Variants in ARHGAP10 observed in about 807,000 individuals in gnomAD.
ARHGAP10 encodes the protein rho GTPase-activating protein 10.
ARHGAP10 carries 87 observed loss-of-function variants against 108.6 expected under a neutral mutation model. The observed-to-expected ratio is 0.80, with a 90% confidence interval of 0.67 to 0.96. ARHGAP10 has a LOEUF of 0.96. Ranked by LOEUF, ARHGAP10 falls within the 40% of genes least tolerant of loss-of-function variation. The pLI, the probability that ARHGAP10 is intolerant of heterozygous loss-of-function variation, is 0.00. For synonymous variants in ARHGAP10, 347 were observed against 341.1 expected, an observed-to-expected ratio of 1.02 and a Z score of -0.19; for missense variants, 939 against 954.5, an observed-to-expected ratio of 0.98 and a Z score of 0.21.
rs1447876567 is a variant in ARHGAP10 at position 147,810,198 on chromosome 4, C to T, written c.155-12529C>T. Among the ~76,000 whole-genome samples the T allele has an allele frequency of 6.6e-5, 10 of 152,306 alleles. No individual in the cohort carries two copies. The East Asian group carries it at 1.9e-3, about 29-fold the overall frequency. On this transcript the variant is annotated intron_variant, in intron 1 of 22. Coordinates refer to ENST00000336498, the MANE Select transcript of ARHGAP10 (RefSeq NM_024605.4). ...AGGCGAGAGATCATTTACCCTTGCT[C>T]CTGCAAATACTGTTTCATTGTTCGA... is the stretch of plus-strand genomic sequence containing the variant.
intron 18 of ARHGAP10, among the ~76,000 whole-genome samples, chr4:148,012,328 C>T (rs1337876648): frequency 2.6e-5 from 4 of 152,116 alleles, no homozygotes; most frequent in Admixed American, 2.6e-4. Flanking sequence ...ATAGGTCATC[C>T]AAGAATCTAA....
intron 3 of ARHGAP10, among the ~76,000 whole-genome samples, chr4:147,844,017 T>TGG (rs1176793292): frequency 2.6e-5 from 4 of 152,172 alleles, no homozygotes; most frequent in Non-Finnish European, 2.9e-5. Flanking sequence ...GACCTAGGTG[T>TGG]CTCTTCTAGG....
chr4:147,910,550 G>GT (rs1736689949), intron 12 of ARHGAP10, among the ~76,000 whole-genome samples: 1 of 152,112 alleles, frequency 6.6e-6, no homozygotes. Flanking sequence ...TATACAGATA[G>GT]TTTATCAGTG....
At chr4:147,859,366 G>T (rs1195140226) in intron 5 of ARHGAP10, among the ~76,000 whole-genome samples, 1 of 150,572 alleles carries the variant, frequency 6.6e-6, no homozygotes, top group Non-Finnish European at 1.5e-5. Flanking sequence ...TCCACCTGCC[G>T]GATTCAAGCG....
intron 16 of ARHGAP10, 98 bp downstream of exon 16, chr4:147,955,472 T>A (rs1289167030): frequency 4.6e-5 from 50 of 1,077,306 alleles, no homozygotes; most frequent in Non-Finnish European, 6.6e-5. Flanking sequence ...TTATTGCAGT[T>A]TGTGTTAAAA....
At chr4:147,950,747 C>T (rs1417694439) in intron 15 of ARHGAP10, among the ~76,000 whole-genome samples, 1 of 152,008 alleles carries the variant, frequency 6.6e-6, no homozygotes, top group Non-Finnish European at 1.5e-5. Flanking sequence ...TGAATACCAG[C>T]CCTCTGAATG....
rs746105133 is a variant in ARHGAP10, at chr4:147,857,589, A to T, written c.421A>T (p.Asn141Tyr). 1 of 1,486,852 alleles carries T rather than the reference A, an allele frequency of 6.7e-7. No homozygotes were observed. Among genetic ancestry groups the T allele is most frequent in the East Asian group, 2.5e-5 (1 of 39,574 alleles). 92.1% of individuals were successfully genotyped at this position (1,486,852 alleles called of 1,614,324 possible). ...KKKFDKETEK[N>Y]YSLIDKHLNL... is the part of the protein sequence containing the mutation. Reference sequence around the variant, plus strand: ...GAAGTTTGACAAAGAGACAGAAAAGAATTATAGTCTAATTGATAAACATTT... The same window carrying T: ...GAAGTTTGACAAAGAGACAGAAAAGTATTATAGTCTAATTGATAAACATTT... Residue 141 changes from asparagine (N) to tyrosine (Y), a missense_variant, in exon 5 of 23, where the codon AAT becomes TAT. Asn to Tyr is a moderately radical substitution (Grantham distance 143). Coordinates refer to ENST00000336498, the MANE Select transcript of ARHGAP10 (RefSeq NM_024605.4).
chr4:147,876,548 G>T, intron 8 of ARHGAP10, among the ~76,000 whole-genome samples: 1 of 151,960 alleles, frequency 6.6e-6, no homozygotes, highest in Admixed American at 6.6e-5. Context: ...AGCCAAGATC[G>T]CGCCACTGCA....
chr4:148,065,099 CA>C, intron 22 of ARHGAP10: 1 of 152,180 alleles, frequency 6.6e-6, no homozygotes, highest in Non-Finnish European at 1.5e-5. Flanking sequence ...TTAAATATTT[CA>C]AAAAGTTCTC....
At chr4:147,791,058 G>A (rs1731097726) in intron 1 of ARHGAP10, among the ~76,000 whole-genome samples, 1 of 151,158 alleles carries the variant, frequency 6.6e-6, no homozygotes, top group Non-Finnish European at 1.5e-5. Context: ...AGTAATGTAA[G>A]GTATATTGTT....
At chr4:148,044,127 A>C (rs1728772375) in intron 19 of ARHGAP10, among the ~76,000 whole-genome samples, 4 of 152,154 alleles carry the variant, frequency 2.6e-5, no homozygotes, top group Admixed American at 2.6e-4. Flanking sequence ...ACTGTTTGGC[A>C]GGAAGGAAGA....
chr4:147,848,545 G>C (rs974571231), intron 4 of ARHGAP10, among the ~76,000 whole-genome samples: 1 of 152,202 alleles, frequency 6.6e-6, no homozygotes, highest in Non-Finnish European at 1.5e-5. Context: ...ATTTTGTTTT[G>C]ATTGTGTCTC....
intron 22 of ARHGAP10, among the ~76,000 whole-genome samples, chr4:148,066,304 T>C (rs1729872957): frequency 6.6e-6 from 1 of 152,194 alleles, no homozygotes; most frequent in South Asian, 2.1e-4. Context: ...TATGCAGAAC[T>C]GAGTCACATG....
chr4:147,764,297 T>C (rs1405114420), intron 1 of ARHGAP10, among the ~76,000 whole-genome samples: 1 of 151,996 alleles, frequency 6.6e-6, no homozygotes, highest in Non-Finnish European at 1.5e-5. Context: ...AGATTTCATA[T>C]TTTTAGACTT....
At chr4:147,791,029 A>C (rs1036784628) in intron 1 of ARHGAP10, among the ~76,000 whole-genome samples, 7 of 151,876 alleles carry the variant, frequency 4.6e-5, no homozygotes, top group Non-Finnish European at 1.5e-5. Flanking sequence ...TATACATATT[A>C]TATATGTATG....
At chr4:148,032,794 C>A (rs956608908) in intron 19 of ARHGAP10, among the ~76,000 whole-genome samples, 2 of 151,912 alleles carry the variant, frequency 1.3e-5, no homozygotes, top group East Asian at 1.9e-4. Flanking sequence ...GCCCGAAAGC[C>A]CACTGGTGTA....
intron 18 of ARHGAP10, among the ~76,000 whole-genome samples, chr4:147,994,182 T>C (rs1040420447): frequency 6.6e-6 from 1 of 152,220 alleles, no homozygotes; most frequent in Non-Finnish European, 1.5e-5. Context: ...AAATGATGCA[T>C]AGTGTTTCAG....
At chr4:147,874,035 A>G (rs1471197239) in intron 7 of ARHGAP10, among the ~76,000 whole-genome samples, 2 of 151,750 alleles carry the variant, frequency 1.3e-5, no homozygotes, top group Admixed American at 1.3e-4. Flanking sequence ...TTAAAAAAAA[A>G]CAACAAACCT....
intron 19 of ARHGAP10, among the ~76,000 whole-genome samples, chr4:148,027,944 T>C (rs2149667115): frequency 6.6e-6 from 1 of 152,248 alleles, no homozygotes; most frequent in South Asian, 2.1e-4. Flanking sequence ...ATACTAGATA[T>C]GAAAATCAGA....
Sources: gnomAD v4.1 joint callset for allele counts (sites outside exome capture counted in the v4.1 genomes callset) on GRCh38, gnomAD v4.1.1 for gene constraint, MANE v1.5 for transcripts, NCBI Gene and HGNC (gene_info 2026-07-23, HGNC 2026-07-21) for gene names.